The following CWF19L2 variants were observed in gnomAD, a reference collection of about 807,000 sequenced individuals.
CWF19L2 encodes the protein CWF19 like cell cycle control factor 2, also known as CWF19-like protein 2.
Under a neutral mutation model 111.7 loss-of-function variants are expected in CWF19L2, and 98 were observed. The ratio of observed to expected loss-of-function variants is 0.88; its 90% CI spans 0.75 to 1.04. The LOEUF is 1.04. Ranked by LOEUF, CWF19L2 falls within the 50% of genes least tolerant of loss-of-function variation. The pLI, the probability that CWF19L2 is intolerant of heterozygous loss-of-function variation, is 0.00. For synonymous variants in CWF19L2, 351 were observed against 342.9 expected (o/e 1.02, Z -0.26); for missense variants, 1,101 against 1,051.4 (o/e 1.05, Z -0.65).
In CWF19L2 at chr11:107,353,615, T is replaced by C. The variant is rs1468744074; in HGVS notation, c.1994A>G (p.His665Arg). 3.1e-6 allele frequency: 5 copies of C among 1,613,732 alleles called. No individual in the cohort carries two copies. Among genetic ancestry groups the C allele is most frequent in the Non-Finnish European group, 4.2e-6 (5 of 1,179,778 alleles). Residue 665 changes from histidine to arginine, a missense_variant, in exon 13 of 18, where the codon CAT (histidine) becomes CGT (arginine). By Grantham distance (29) the His-to-Arg change is conservative. Coordinates refer to ENST00000282251, the MANE Select transcript of CWF19L2 (RefSeq NM_152434.3). ...TTCCATTTGTGCAGCAAGACTCCGA[T>C]GCTCAGCAATAGCTTTTTTCCTTTG... ...ENQRKKAIAE[H>R]RSLAAQMEKC...
chr11:107,327,027 T>C lies in CWF19L2; in HGVS notation c.2568A>G (p.Ile856Met), dbSNP rs1028138383. ...GKEIIGGMLD[I>M]EPRLWRKGIR... ...TGCCTTTCCTCCAAAGTCTTGGTTC[T>C]ATATCCAGCATCCCACCTATGATTT... Residue 856 changes from isoleucine (I) to methionine (M), a missense_variant, in exon 18 of 18, where the codon ATA becomes ATG. Coordinates refer to ENST00000282251, the MANE Select transcript of CWF19L2 (RefSeq NM_152434.3). 6.2e-7 allele frequency: 1 copy of C among 1,608,788 alleles called. No individual in the cohort carries two copies. The highest frequency in any genetic ancestry group is 8.5e-7 in the Non-Finnish European group (1 of 1,177,906).
At chr11:107,441,857 AAAC>A (rs1471985159) in intron 4 of CWF19L2, among the ~76,000 whole-genome samples, 1 of 152,228 alleles carries the variant, frequency 6.6e-6, no homozygotes, top group East Asian at 1.9e-4. Flanking sequence ...TTTAAAGAGT[AAAC>A]AAGATAACAG....
At chr11:107,435,024 A>C (rs917499139) in intron 6 of CWF19L2, among the ~76,000 whole-genome samples, 2 of 152,106 alleles carry the variant, frequency 1.3e-5, no homozygotes, top group African/African-American at 4.8e-5. Context: ...ATATTCACTA[A>C]ATATTTTTGA....
chr11:107,419,858 G>A (rs188545399), intron 8 of CWF19L2, among the ~76,000 whole-genome samples: 4 of 151,960 alleles, frequency 2.6e-5, no homozygotes, highest in East Asian at 1.9e-4. Flanking sequence ...ATATATTTGA[G>A]GTTTATAACA....
At chr11:107,412,704 TTA>T (rs1491119169) in intron 10 of CWF19L2, among the ~76,000 whole-genome samples, 1 of 152,218 alleles carries the variant, frequency 6.6e-6, no homozygotes, top group Non-Finnish European at 1.5e-5. Flanking sequence ...TATAGCAGTT[TTA>T]TTCATAACTG....
chr11:107,409,990 T>C (rs966916431), intron 10 of CWF19L2, among the ~76,000 whole-genome samples: 93 of 152,122 alleles, frequency 6.1e-4, no homozygotes, highest in Non-Finnish European at 2.2e-4. Context: ...GTTCACCCTC[T>C]AAAGAAGAGG....
At chr11:107,382,324 T>G (rs990126509) in intron 12 of CWF19L2, among the ~76,000 whole-genome samples, 5 of 152,206 alleles carry the variant, frequency 3.3e-5, no homozygotes, top group African/African-American at 1.2e-4. Flanking sequence ...GACAGTACTG[T>G]TTAATGTGGA....
intron 10 of CWF19L2, among the ~76,000 whole-genome samples, chr11:107,407,995 A>G (rs901222044): frequency 6.6e-6 from 1 of 151,952 alleles, no homozygotes; most frequent in Non-Finnish European, 1.5e-5. Flanking sequence ...TGGTAAACAA[A>G]TAAGGCTTAC....
At chr11:107,429,493 A>G in intron 7 of CWF19L2, 42 bp from the exon 8 acceptor site, 1 of 1,453,582 alleles carries the variant, frequency 6.9e-7, no homozygotes, top group South Asian at 1.4e-5. Flanking sequence ...AAAATTAGGA[A>G]CGGCTCAGTG....
At chr11:107,441,673 TCTGAA>T in intron 4 of CWF19L2, 51 bp from the exon 5 acceptor site, 1 of 1,447,512 alleles carries the variant, frequency 6.9e-7, no homozygotes. Flanking sequence ...ATCATTTCAA[TCTGAA>T]CTGATTAGAA....
intron 5 of CWF19L2, among the ~76,000 whole-genome samples, chr11:107,440,888 T>TA (rs1024467942): frequency 2.0e-5 from 3 of 152,080 alleles, no homozygotes; most frequent in Non-Finnish European, 2.9e-5. Context: ...ATTAGGCTGA[T>TA]AAAAAAATAT....
At chr11:107,429,496 G>A (rs1368141414) in intron 7 of CWF19L2, 45 bp from the exon 8 acceptor site, 2 of 1,435,622 alleles carry the variant, frequency 1.4e-6, no homozygotes, top group Non-Finnish European at 1.9e-6. Context: ...ATTAGGAACG[G>A]CTCAGTGACT....
chr11:107,403,141 A>C (rs992090629), intron 10 of CWF19L2, among the ~76,000 whole-genome samples: 1 of 151,106 alleles, frequency 6.6e-6, no homozygotes, highest in Non-Finnish European at 1.5e-5. Flanking sequence ...AAAGACTACA[A>C]ATATGGTCCA....
intron 3 of CWF19L2, among the ~76,000 whole-genome samples, chr11:107,452,702 A>C (rs1168674143): frequency 6.6e-6 from 1 of 152,208 alleles, no homozygotes; most frequent in African/African-American, 2.4e-5. Context: ...TAGGGAAAAA[A>C]AATAGGAGGC....
At chr11:107,333,458 T>C (rs1859878988) in intron 16 of CWF19L2, among the ~76,000 whole-genome samples, 1 of 152,174 alleles carries the variant, frequency 6.6e-6, no homozygotes, top group Non-Finnish European at 1.5e-5. Context: ...TTTTCAACTG[T>C]CATTAAAACT....
intron 11 of CWF19L2, among the ~76,000 whole-genome samples, chr11:107,390,912 C>G (rs1408941543): frequency 6.6e-6 from 1 of 152,202 alleles, no homozygotes; most frequent in Admixed American, 6.5e-5. Flanking sequence ...ATCTAATCAG[C>G]TGCCAGCGAG....
chr11:107,424,877 G>T (rs897951980), intron 8 of CWF19L2, among the ~76,000 whole-genome samples: 7 of 151,828 alleles, frequency 4.6e-5, no homozygotes, highest in African/African-American at 1.7e-4. Context: ...AATGAAAGTT[G>T]TTGAGCACAA....
chr11:107,451,569 G>A (rs1861778924), intron 3 of CWF19L2, among the ~76,000 whole-genome samples: 1 of 151,966 alleles, frequency 6.6e-6, no homozygotes, highest in South Asian at 2.1e-4. Flanking sequence ...GAAACAAACA[G>A]AAAATAGAAA....
chr11:107,420,929 A>G (rs535825806), intron 8 of CWF19L2, among the ~76,000 whole-genome samples: 2 of 152,024 alleles, frequency 1.3e-5, no homozygotes, highest in South Asian at 4.1e-4. Flanking sequence ...CCTGAATAAT[A>G]CTATCAACTA....
Sources: allele counts gnomAD v4.1 joint callset (sites outside exome capture counted in the v4.1 genomes callset), GRCh38; gene constraint gnomAD v4.1.1; transcripts MANE v1.5; gene names NCBI Gene and HGNC (gene_info 2026-07-23, HGNC 2026-07-21).